The following AGO2 variants were observed in gnomAD, a reference collection of about 807,000 sequenced individuals.
AGO2 encodes argonaute RISC catalytic component 2, also known as protein argonaute-2.
A neutral mutation model predicts 102.3 loss-of-function variants in AGO2; 5 were observed. The observed-to-expected ratio is 0.05, with a 90% CI of 0.03 to 0.10. The LOEUF (loss-of-function observed/expected upper bound fraction) is 0.10, where lower values mean the gene tolerates loss of function less well. Ranked by LOEUF, AGO2 falls within the 10% of genes least tolerant of loss-of-function variation. The pLI is 1.00. For synonymous variants in AGO2, 449 were observed against 473.1 expected (o/e 0.95, Z 0.66); for missense variants, 541 against 1,183.7 (o/e 0.46, Z 7.97).
At chr8:140,631,843 C>A (rs1374963092) in intron 1 of AGO2, among the ~76,000 whole-genome samples, 1 of 152,172 alleles carries the variant, frequency 6.6e-6, no homozygotes, top group African/African-American at 2.4e-5. Context: ...TGGAAAACGT[C>A]CACAAAGAAA....
intron 2 of AGO2, 52 bp downstream of exon 2, chr8:140,585,067 T>C (rs1186778655): frequency 2.0e-6 from 3 of 1,516,976 alleles, no homozygotes; most frequent in Non-Finnish European, 1.8e-6. Context: ...TTAAATGCCG[T>C]GTCTGTCCGC....
intron 10 of AGO2, among the ~76,000 whole-genome samples, chr8:140,553,404 G>GTTTT (rs1386366277): frequency 8.8e-5 from 9 of 101,698 alleles, no homozygotes; most frequent in Non-Finnish European, 1.1e-4. Flanking sequence ...CAAGTTTTTT[G>GTTTT]TTTTTTGTTT....
At chr8:140,571,580 G>A (rs1010203551) in intron 3 of AGO2, among the ~76,000 whole-genome samples, 1 of 152,144 alleles carries the variant, frequency 6.6e-6, no homozygotes, top group African/African-American at 2.4e-5. Flanking sequence ...AGACATCCCT[G>A]ACAGCAACTT....
At chr8:140,573,908 G>T (rs1465967718) in intron 2 of AGO2, among the ~76,000 whole-genome samples, 1 of 152,232 alleles carries the variant, frequency 6.6e-6, no homozygotes, top group Non-Finnish European at 1.5e-5. Context: ...ATTGCCAGAA[G>T]AATGAGTCCC....
chr8:140,541,957 GGATCA>G (rs2072806626), intron 14 of AGO2, among the ~76,000 whole-genome samples: 1 of 152,098 alleles, frequency 6.6e-6, no homozygotes, highest in Non-Finnish European at 1.5e-5. Flanking sequence ...CCTCTGCTTG[GGATCA>G]GATGTGGCTG....
chr8:140,550,825 C>T (rs944806195), intron 11 of AGO2, among the ~76,000 whole-genome samples: 9 of 152,230 alleles, frequency 5.9e-5, no homozygotes, highest in South Asian at 2.1e-4. Context: ...AAACTCCTGA[C>T]CTCAAGTGAT....
At position 140,531,239 on chromosome 8, in the gene AGO2, T is replaced by A. The variant is rs2072589985; in HGVS notation, c.*805A>T. On this transcript the variant is annotated 3_prime_UTR_variant, in exon 19 of 19. Coordinates refer to ENST00000220592, the MANE Select transcript of AGO2 (RefSeq NM_012154.5). ...GTGAAAAAGGATTGTACTGTATTTATCACCACAGACCCGTATTCTTTAAAA... is the reference window on the plus strand; with the variant it reads ...GTGAAAAAGGATTGTACTGTATTTAACACCACAGACCCGTATTCTTTAAAA... The A allele has an allele frequency of 6.6e-6, 1 of 152,662 alleles. No homozygotes were observed. The highest frequency in any genetic ancestry group is 1.5e-5 in the Non-Finnish European group (1 of 68,050). The allele number at this position is 152,662 out of a possible 1,614,324, so 9.5% of individuals were successfully genotyped here.
At chr8:140,569,984 G>T (rs1439738009) in intron 3 of AGO2, among the ~76,000 whole-genome samples, 2 of 152,216 alleles carry the variant, frequency 1.3e-5, no homozygotes, top group African/African-American at 4.8e-5. Context: ...GCACGAAAAA[G>T]TACTTCACAG....
upstream of AGO2, among the ~76,000 whole-genome samples, chr8:140,639,266 G>C (rs567040120): frequency 2.5e-4 from 38 of 152,326 alleles, no homozygotes; most frequent in African/African-American, 8.7e-4. Context: ...TGGATCACGA[G>C]GTCAGGAGAT....
rs972451144 is a variant in AGO2, at chr8:140,527,668, G to A, written c.*4376C>T. ...CTTCAAACATAAATGAAATACTCAC[G>A]TTCTGCAAGTGAGGCGCATGAGCAC... On this transcript the variant is annotated 3_prime_UTR_variant, in exon 19 of 19. Transcript: ENST00000220592. This position sits in a 1 kb window ranked among gnomAD's most constrained non-coding sequence, Gnocchi z 6.0. The A allele has an allele frequency of 1.3e-5, 2 of 152,282 alleles. No homozygotes were observed. The highest frequency in any genetic ancestry group is 4.8e-5 in the African/African-American group (2 of 41,408). The allele number at this position is 152,282 out of a possible 1,614,324, so 9.4% of individuals were successfully genotyped here.
intron 2 of AGO2, among the ~76,000 whole-genome samples, chr8:140,583,711 T>C (rs1343143726): frequency 1.3e-5 from 2 of 152,036 alleles, no homozygotes; most frequent in Non-Finnish European, 2.9e-5. Context: ...CTGTCTCTAC[T>C]AAAAATACAA....
chr8:140,640,332 TTTA>T (rs1432055016), upstream of AGO2, among the ~76,000 whole-genome samples: 1 of 151,914 alleles, frequency 6.6e-6, no homozygotes, highest in Non-Finnish European at 1.5e-5. Flanking sequence ...TTTTGTTTGT[TTTA>T]TTATTTTTTT....
intron 3 of AGO2, among the ~76,000 whole-genome samples, chr8:140,563,606 A>T (rs1191063407): frequency 6.6e-6 from 1 of 152,206 alleles, no homozygotes; most frequent in African/African-American, 2.4e-5. Context: ...CCACAAAGCC[A>T]TGAAAGGGCA....
intron 1 of AGO2, among the ~76,000 whole-genome samples, chr8:140,619,140 C>T (rs1286454368): frequency 2.6e-5 from 4 of 152,066 alleles, no homozygotes; most frequent in African/African-American, 9.7e-5. Flanking sequence ...GGAGGAGGCC[C>T]CTGGCCCTGG....
intron 1 of AGO2, among the ~76,000 whole-genome samples, chr8:140,587,200 C>A (rs2073672833): frequency 6.6e-6 from 1 of 152,160 alleles, no homozygotes; most frequent in African/African-American, 2.4e-5. Flanking sequence ...AGGCGGGAAA[C>A]CTGCACGCAG....
chr8:140,585,481 T>C (rs1490110911), intron 1 of AGO2, among the ~76,000 whole-genome samples, 170 bp from the exon 2 acceptor site: 2 of 152,222 alleles, frequency 1.3e-5, no homozygotes, highest in African/African-American at 4.8e-5. Flanking sequence ...AATAATGTAC[T>C]TAAAATGTAT....
chr8:140,536,451 C>T (rs925396846), intron 16 of AGO2, among the ~76,000 whole-genome samples: 28 of 151,948 alleles, frequency 1.8e-4, no homozygotes, highest in Admixed American at 4.6e-4. Flanking sequence ...CTCGGCCTCC[C>T]GAGTGGCTGG....
chr8:140,562,427 C>T, intron 4 of AGO2, 26 bp downstream of exon 4: 6 of 1,597,160 alleles, frequency 3.8e-6, no homozygotes, highest in Non-Finnish European at 4.3e-6. Flanking sequence ...GAGTCCCCCG[C>T]CCTTGGTCCC....
intron 16 of AGO2, among the ~76,000 whole-genome samples, chr8:140,535,812 AG>A (rs760809481): frequency 6.6e-6 from 1 of 152,228 alleles, no homozygotes; most frequent in Non-Finnish European, 1.5e-5. Context: ...AAGGCCCATG[AG>A]TTAAATGCAG....
Sources: allele counts gnomAD v4.1 joint callset (sites outside exome capture counted in the v4.1 genomes callset), GRCh38; gene constraint gnomAD v4.1.1; non-coding constraint Gnocchi (gnomAD v3.1); transcripts MANE v1.5; gene names NCBI Gene and HGNC (gene_info 2026-07-23, HGNC 2026-07-21).